The following CAMK2D variants were observed in gnomAD, a reference collection of about 807,000 sequenced individuals.
CAMK2D encodes the protein calcium/calmodulin-dependent protein kinase type II subunit delta.
A neutral mutation model predicts 84.0 loss-of-function variants in CAMK2D; 37 were observed. That is an observed-to-expected ratio of 0.44 (90% CI 0.34 to 0.58). The LOEUF (loss-of-function observed/expected upper bound fraction) is 0.58, where lower values mean the gene tolerates loss of function less well. CAMK2D is among the 20% of genes least tolerant of loss of function. The pLI is 0.02. For synonymous variants in CAMK2D, 202 were observed against 212.5 expected (o/e 0.95, Z 0.43); for missense variants, 448 against 652.5 (o/e 0.69, Z 3.41).
At chr4:113,720,264 A>G (rs2099526361) in intron 2 of CAMK2D, among the ~76,000 whole-genome samples, 1 of 152,016 alleles carries the variant, frequency 6.6e-6, no homozygotes, top group Non-Finnish European at 1.5e-5. Flanking sequence ...ACAACTCAGT[A>G]GTAGTAACCA....
intron 4 of CAMK2D, among the ~76,000 whole-genome samples, chr4:113,561,434 A>T (rs2098698482): frequency 2.0e-5 from 3 of 152,224 alleles, no homozygotes; most frequent in Admixed American, 2.0e-4. Flanking sequence ...CGATCACACC[A>T]CTGCACTTCA....
chr4:113,533,930 T>G (rs898469588), intron 7 of CAMK2D, among the ~76,000 whole-genome samples: 1 of 151,920 alleles, frequency 6.6e-6, no homozygotes, highest in South Asian at 2.1e-4. Flanking sequence ...ACAGCTTCCA[T>G]AATGCTTTGT....
At chr4:113,518,697 C>A (rs1271646528) in intron 8 of CAMK2D, among the ~76,000 whole-genome samples, 1 of 152,092 alleles carries the variant, frequency 6.6e-6, no homozygotes, top group Non-Finnish European at 1.5e-5. Context: ...TGACACTTTG[C>A]CAGGTGTACC....
chr4:113,508,329 G>T, intron 13 of CAMK2D: 1 of 1,193,166 alleles, frequency 8.4e-7, no homozygotes, highest in Non-Finnish European at 1.2e-6. Flanking sequence ...TGAATTTAGA[G>T]TATCAAAGCA....
chr4:113,577,577 T>C (rs2098789352), intron 4 of CAMK2D, among the ~76,000 whole-genome samples: 1 of 152,172 alleles, frequency 6.6e-6, no homozygotes, highest in South Asian at 2.1e-4. Flanking sequence ...AATAATGATG[T>C]TAGCTTGGCC....
At chr4:113,494,805 A>G (rs1206542951) in intron 16 of CAMK2D, among the ~76,000 whole-genome samples, 1 of 152,220 alleles carries the variant, frequency 6.6e-6, no homozygotes, top group Admixed American at 6.5e-5. Context: ...CCGTGGGCGT[A>G]GGACCCTCCG....
intron 8 of CAMK2D, among the ~76,000 whole-genome samples, chr4:113,519,926 C>A (rs1021851064): frequency 1.3e-5 from 2 of 152,154 alleles, no homozygotes; most frequent in African/African-American, 4.8e-5. Context: ...ACATTCCCTG[C>A]AGCCACTTTT....
intron 2 of CAMK2D, among the ~76,000 whole-genome samples, chr4:113,670,915 G>A (rs1033268958): frequency 5.9e-5 from 9 of 151,818 alleles, no homozygotes; most frequent in East Asian, 3.9e-4. Flanking sequence ...GCAACAGAGC[G>A]AGACTCCGTC....
At chr4:113,622,112 A>G (rs1201499690) in intron 3 of CAMK2D, among the ~76,000 whole-genome samples, 1 of 152,180 alleles carries the variant, frequency 6.6e-6, no homozygotes, top group East Asian at 1.9e-4. Context: ...CTGGTAAACA[A>G]CCATTTAACA....
chr4:113,457,106 T>C (rs1248906751), intron 19 of CAMK2D: 4 of 1,073,750 alleles, frequency 3.7e-6, no homozygotes, highest in Non-Finnish European at 5.0e-6. Context: ...TCTCTCGTCC[T>C]GTCTAAACCT....
intron 4 of CAMK2D, among the ~76,000 whole-genome samples, chr4:113,581,527 A>AAAG (rs1553973982): frequency 1.5e-5 from 2 of 135,038 alleles, no homozygotes; most frequent in African/African-American, 5.4e-5. Flanking sequence ...AAAAAAAAAA[A>AAAG]AAAAAAGAAA....
chr4:113,518,634 T>C (rs897154451), intron 8 of CAMK2D, among the ~76,000 whole-genome samples: 7 of 152,190 alleles, frequency 4.6e-5, no homozygotes, highest in Non-Finnish European at 8.8e-5. Flanking sequence ...GTTTGCTTTT[T>C]TCTTGCTATG....
intron 2 of CAMK2D, chr4:113,753,719 T>C (rs772322397): frequency 1.5e-4 from 118 of 803,020 alleles, no homozygotes; most frequent in Non-Finnish European, 1.7e-4. Context: ...CATAACATTT[T>C]GTTATAATCA....
chr4:113,685,761 G>A (rs1345758261), intron 2 of CAMK2D, among the ~76,000 whole-genome samples: 1 of 151,970 alleles, frequency 6.6e-6, no homozygotes, highest in African/African-American at 2.4e-5. Context: ...TGGAACCAGA[G>A]AATGAAAGTC....
intron 16 of CAMK2D, among the ~76,000 whole-genome samples, chr4:113,488,133 C>G: frequency 6.6e-6 from 1 of 151,918 alleles, no homozygotes; most frequent in East Asian, 1.9e-4. Flanking sequence ...TTAAAATTTA[C>G]ACAAACCTTA....
At chr4:113,754,455 AG>A in intron 2 of CAMK2D, 1 of 927,438 alleles carries the variant, frequency 1.1e-6, no homozygotes, top group Non-Finnish European at 1.3e-6. Flanking sequence ...GATCCATAAA[AG>A]GTGACATATT....
At chr4:113,650,807 G>C (rs1379623721) in intron 3 of CAMK2D, among the ~76,000 whole-genome samples, 2 of 152,174 alleles carry the variant, frequency 1.3e-5, no homozygotes, top group Non-Finnish European at 2.9e-5. Context: ...CTCAAGGAAA[G>C]TGTTTACAAA....
At chr4:113,539,397 T>C (rs1018146464) in intron 6 of CAMK2D, among the ~76,000 whole-genome samples, 3 of 152,250 alleles carry the variant, frequency 2.0e-5, no homozygotes, top group African/African-American at 4.8e-5. Flanking sequence ...TTTTAGGTGT[T>C]TGAAGTCAGG....
At chr4:113,724,410 A>C (rs2099539978) in intron 2 of CAMK2D, among the ~76,000 whole-genome samples, 2 of 152,008 alleles carry the variant, frequency 1.3e-5, no homozygotes, top group South Asian at 4.1e-4. Flanking sequence ...TTAACTTATA[A>C]CAGTTAATAT....
Sources: allele counts gnomAD v4.1 joint callset (sites outside exome capture counted in the v4.1 genomes callset), GRCh38; gene constraint gnomAD v4.1.1; transcripts MANE v1.5; gene names NCBI Gene and HGNC (gene_info 2026-07-23, HGNC 2026-07-21).